ESR1: variants seen among roughly 807,000 people sequenced by gnomAD.
The protein encoded by ESR1 is estrogen receptor 1.
Under a neutral mutation model 52.7 loss-of-function variants are expected in ESR1, and 12 were observed. That is an observed-to-expected ratio of 0.23 (90% confidence interval 0.15 to 0.37). The LOEUF (loss-of-function observed/expected upper bound fraction) is 0.37. ESR1 is among the 10% of genes least tolerant of loss of function. The pLI is 1.00. For synonymous variants in ESR1, 305 were observed against 316.8 expected (o/e 0.96, Z 0.39); for missense variants, 584 against 779.7 (o/e 0.75, Z 2.99).
chr6:151,682,078 G>A (rs557154493), intron 1 of ESR1, among the ~76,000 whole-genome samples: 1 of 152,294 alleles, frequency 6.6e-6, no homozygotes, highest in South Asian at 2.1e-4. Flanking sequence ...ACTGTTTATC[G>A]GATGCTTTAG....
At chr6:151,729,294 C>A (rs1481549148) in intron 2 of ESR1, among the ~76,000 whole-genome samples, 1 of 152,112 alleles carries the variant, frequency 6.6e-6, no homozygotes, top group East Asian at 1.9e-4. Context: ...TTTGCCAATG[C>A]CTTGGCCTTG....
intron 4 of ESR1, among the ~76,000 whole-genome samples, chr6:151,988,269 C>T (rs1584673833): frequency 6.6e-6 from 1 of 152,104 alleles, no homozygotes; most frequent in African/African-American, 2.4e-5. Context: ...GAGACAGTGA[C>T]AGATTATCAG....
chr6:151,739,902 C>T (rs1478874549), intron 2 of ESR1, among the ~76,000 whole-genome samples: 1 of 152,172 alleles, frequency 6.6e-6, no homozygotes, highest in Non-Finnish European at 1.5e-5. Context: ...TTCTTCCTCT[C>T]TCCATCCCTT....
At chr6:151,982,056 T>A (rs728523) in intron 4 of ESR1, among the ~76,000 whole-genome samples, 11,212 of 152,340 alleles carry the variant, frequency 0.074, 1,149 homozygotes, top group African/African-American at 0.23. Flanking sequence ...CTCACTTTAT[T>A]CATTCACTCT....
intron 2 of ESR1, among the ~76,000 whole-genome samples, chr6:151,725,885 T>C (rs1781800417): frequency 6.6e-6 from 1 of 152,190 alleles, no homozygotes; most frequent in South Asian, 2.1e-4. Context: ...TAATTACATG[T>C]GAAAAATTGT....
At chr6:151,791,728 C>T (rs993486856) in intron 2 of ESR1, among the ~76,000 whole-genome samples, 7 of 152,200 alleles carry the variant, frequency 4.6e-5, no homozygotes, top group Non-Finnish European at 1.0e-4. Context: ...CCAGTGAGCA[C>T]CTGTGTTTTC....
chr6:152,083,705 A>G (rs768313737), intron 6 of ESR1, among the ~76,000 whole-genome samples: 2 of 152,238 alleles, frequency 1.3e-5, no homozygotes, highest in Non-Finnish European at 2.9e-5. Context: ...CAATCCACCC[A>G]TCTGACAAAG....
intron 2 of ESR1, among the ~76,000 whole-genome samples, chr6:151,855,215 G>A (rs753011217): frequency 4.6e-5 from 7 of 152,126 alleles, no homozygotes; most frequent in South Asian, 2.1e-4. Flanking sequence ...TGCCTGGCTC[G>A]TTTTAAAATA....
intron 1 of ESR1, among the ~76,000 whole-genome samples, chr6:151,693,095 G>A (rs1364443185): frequency 2.0e-5 from 3 of 152,198 alleles, no homozygotes; most frequent in Non-Finnish European, 4.4e-5. Context: ...CAAAGTGGGA[G>A]TACTAACAGT....
At chr6:152,105,339 C>T (rs1164999051), downstream of ESR1, among the ~76,000 whole-genome samples, 1 of 152,044 alleles carries the variant, frequency 6.6e-6, no homozygotes, top group African/African-American at 2.4e-5. Context: ...AGCCCTTAAC[C>T]TGTGGGATCT....
At chr6:151,861,123 G>A (rs560620665) in intron 2 of ESR1, among the ~76,000 whole-genome samples, 6 of 152,104 alleles carry the variant, frequency 3.9e-5, no homozygotes, top group Non-Finnish European at 8.8e-5. Context: ...ATTAAATTTG[G>A]TTGGATGTAT....
At chr6:151,751,610 T>A (rs985341738) in intron 2 of ESR1, among the ~76,000 whole-genome samples, 2 of 152,230 alleles carry the variant, frequency 1.3e-5, no homozygotes, top group Non-Finnish European at 2.9e-5. Context: ...TAGAAGGAGT[T>A]AATATCCAAA....
chr6:152,098,284 G>T lies in ESR1; in HGVS notation c.1554-448G>T, dbSNP rs2050788590. Among the ~76,000 whole-genome samples the T allele has an allele frequency of 6.6e-6, 1 of 152,122 alleles. No homozygotes were observed. Among genetic ancestry groups the T allele is most frequent in the African/African-American group, 2.4e-5 (1 of 41,412 alleles). On this transcript the variant is annotated intron_variant, in intron 7 of 7. Coordinates refer to ENST00000206249, the MANE Select transcript of ESR1 (RefSeq NM_000125.4). This position sits in a 1 kb window ranked among gnomAD's most constrained non-coding sequence, Gnocchi z 5.1. ...GAAGTGACGTGAGAGATTTAACAAT[G>T]GAGCGTCTTGAACTGCTTTACTCAT...
Position 151,669,189 on chromosome 6 carries a change from A to C in ESR1, n.73+12426A>C, listed in dbSNP as rs1005799070. ...GAGAGAGAGAGAGAGAGAGAGAGAGATGGGAATCCAGGGGAGAACAGAACA... is the reference window on the plus strand; with the variant it reads ...GAGAGAGAGAGAGAGAGAGAGAGAGCTGGGAATCCAGGGGAGAACAGAACA... On this transcript the variant is annotated intron_variant and non_coding_transcript_variant, in intron 1 of 2. Coordinates refer to the ESR1 transcript ENST00000473497. Among the ~76,000 whole-genome samples, 72 of 87,020 alleles carry C rather than the reference A, an allele frequency of 8.3e-4. 1 individual carries two copies. Among genetic ancestry groups the C allele is most frequent in the South Asian group, 2.4e-3 (5 of 2,102 alleles). The allele number at this position is 87,020 out of a possible 152,430, so 57.1% of individuals were successfully genotyped here. A position where few individuals can be genotyped will look rare whatever the true frequency, so the allele number is the denominator to read the frequency against.
Position 152,098,397 on chromosome 6 carries a change from T to C in ESR1, c.1554-335T>C, listed in dbSNP as rs539298417. On this transcript the variant is annotated intron_variant, in intron 7 of 7. Transcript: ENST00000206249. The surrounding 1 kb of genome is among the most constrained non-coding windows in gnomAD (Gnocchi z 5.1). ...CCTATTTGAATGCATTTAGGTCCTA[T>C]TGGAGGGGAATAGGATCTCATTTGA... 1.0e-3 allele frequency among the ~76,000 whole-genome samples: 157 copies of C among 152,096 alleles called. No individual in the cohort carries two copies. The highest frequency in any genetic ancestry group is 3.6e-3 in the African/African-American group (151 of 41,488).
chr6:152,037,786 C>T (rs1038244680), intron 5 of ESR1, among the ~76,000 whole-genome samples: 30 of 152,150 alleles, frequency 2.0e-4, no homozygotes, highest in African/African-American at 7.0e-4. Flanking sequence ...TGCTTATGAT[C>T]ACAAGGCTAG....
At chr6:152,109,735 C>T (rs1207481652) in intron 6 of ESR1, among the ~76,000 whole-genome samples, 1 of 152,116 alleles carries the variant, frequency 6.6e-6, no homozygotes, top group African/African-American at 2.4e-5. Context: ...GTGAATACCA[C>T]CAAAAGAGCA....
intron 1 of ESR1, among the ~76,000 whole-genome samples, chr6:151,656,969 C>G (rs972176496): frequency 6.6e-6 from 1 of 152,198 alleles, no homozygotes; most frequent in African/African-American, 2.4e-5. Flanking sequence ...TCAAAGACTT[C>G]ATACATGGTG....
At chr6:151,728,206 A>G (rs1157995691) in intron 2 of ESR1, among the ~76,000 whole-genome samples, 1 of 152,178 alleles carries the variant, frequency 6.6e-6, no homozygotes. Flanking sequence ...ATAAAGGAGG[A>G]TGATGTTCTA....
Sources: gnomAD v4.1 joint callset for allele counts (sites outside exome capture counted in the v4.1 genomes callset) on GRCh38, gnomAD v4.1.1 for gene constraint, Gnocchi (gnomAD v3.1) non-coding constraint, MANE v1.5 for transcripts, NCBI Gene and HGNC (gene_info 2026-07-23, HGNC 2026-07-21) for gene names.